RCN3: variants seen among roughly 807,000 people sequenced by gnomAD.
RCN3 encodes the protein reticulocalbin-3.
In RCN3, 41 loss-of-function variants were observed where a neutral mutation model predicts 35.9. The ratio of observed to expected loss-of-function variants is 1.14; its 90% CI spans 0.89 to 1.48. The LOEUF (loss-of-function observed/expected upper bound fraction) is 1.48. Ranked by LOEUF, RCN3 falls within the 40% of genes most tolerant of loss-of-function variation. The pLI, the probability that RCN3 is intolerant of heterozygous loss-of-function variation, is 0.00. For synonymous variants in RCN3, 187 were observed against 193.4 expected, an observed-to-expected ratio of 0.97 and a Z score of 0.27; for missense variants, 451 against 471.3, an observed-to-expected ratio of 0.96 and a Z score of 0.40.
intron 3 of RCN3, among the ~76,000 whole-genome samples, chr19:49,535,334 C>G (rs2080128971): frequency 6.6e-6 from 1 of 152,078 alleles, no homozygotes; most frequent in African/African-American, 2.4e-5. Context: ...CAGCCTTAGT[C>G]TGGGGCCAAA....
chr19:49,535,075 C>T (rs962381584), intron 3 of RCN3, among the ~76,000 whole-genome samples: 1 of 152,112 alleles, frequency 6.6e-6, no homozygotes, highest in Non-Finnish European at 1.5e-5. Flanking sequence ...GTTCTTCATG[C>T]CCAGCACTGA....
chr19:49,537,230 T>A, intron 4 of RCN3, 25 bp downstream of exon 4: 1 of 1,473,332 alleles, frequency 6.8e-7, no homozygotes, highest in Non-Finnish European at 9.1e-7. Context: ...GGGAACCCTG[T>A]CCCCCACACC....
chr19:49,529,881 C>T (rs1212848663), intron 2 of RCN3, among the ~76,000 whole-genome samples: 2 of 151,824 alleles, frequency 1.3e-5, no homozygotes, highest in Admixed American at 1.3e-4. Flanking sequence ...CTCAGCCTCC[C>T]AAGTAGCTGG....
chr19:49,542,832 C>A, intron 6 of RCN3, 80 bp downstream of exon 6: 2 of 1,342,922 alleles, frequency 1.5e-6, no homozygotes, highest in Non-Finnish European at 2.0e-6. Flanking sequence ...AAGACCTGGG[C>A]CTGGAGCTCA....
At chr19:49,534,566 T>C (rs1401560344) in intron 3 of RCN3, among the ~76,000 whole-genome samples, 171 bp downstream of exon 3, 2 of 152,152 alleles carry the variant, frequency 1.3e-5, no homozygotes, top group African/African-American at 4.8e-5. Flanking sequence ...CACCTCTGGC[T>C]TCTCTTTTTT....
In RCN3 at chr19:49,537,745, C is replaced by T. The variant is rs367743584; in HGVS notation, c.618+540C>T. Reference sequence around the variant, plus strand: ...AACTTTTGACCTCAGGTGATCCGCCCGCCTCAGCCTCCCAAAGTGCTAGGA... The same window carrying T: ...AACTTTTGACCTCAGGTGATCCGCCTGCCTCAGCCTCCCAAAGTGCTAGGA... On this transcript the variant is annotated intron_variant, in intron 4 of 6. Transcript: ENST00000270645. 3.3e-5 allele frequency among the ~76,000 whole-genome samples: 5 copies of T among 151,976 alleles called. No homozygotes were observed. In the East Asian group the frequency reaches 5.8e-4, roughly 18 times the overall value.
chr19:49,530,895 G>A lies in RCN3; in HGVS notation c.242+2181G>A, dbSNP rs561401199. Among the ~76,000 whole-genome samples the A allele has an allele frequency of 3.9e-5, 6 of 152,300 alleles. No homozygotes were observed. In the South Asian group the frequency reaches 1.2e-3, roughly 32 times the overall value. Reference sequence around the variant, plus strand: ...GGTATCGGAGTGAATAGCATTCCAGGCAGACAGAACAGTTAAGTGCAAAGG... The same window carrying A: ...GGTATCGGAGTGAATAGCATTCCAGACAGACAGAACAGTTAAGTGCAAAGG... On this transcript the variant is annotated intron_variant, in intron 2 of 6. Coordinates refer to ENST00000270645, the MANE Select transcript of RCN3 (RefSeq NM_020650.3).
intron 2 of RCN3, among the ~76,000 whole-genome samples, chr19:49,533,021 C>T (rs532239888): frequency 2.6e-5 from 4 of 152,304 alleles, no homozygotes; most frequent in Middle Eastern, 3.4e-3. Context: ...TCCCCACAAC[C>T]GCCCTTTTGG....
rs925684213 is a variant in RCN3 at position 49,534,320 on chromosome 19, A to G, written c.370A>G (p.Thr124Ala). 4 of 1,507,978 alleles carry G rather than the reference A, an allele frequency of 2.7e-6. No individual in the cohort carries two copies. Among genetic ancestry groups the G allele is most frequent in the Non-Finnish European group, 3.5e-6 (4 of 1,130,266 alleles). 93.4% of individuals were successfully genotyped at this position (1,507,978 alleles called of 1,614,324 possible). ...IRDSVSAAWD[T>A]YDTDRDGRVG... ...GGACTCGGTGAGCGCGGCCTGGGAC[A>G]CGTACGACACGGACCGCGACGGGCG... Residue 124 changes from threonine to alanine, a missense_variant, in exon 3 of 7, where the codon ACG becomes GCG. Coordinates refer to ENST00000270645, the MANE Select transcript of RCN3 (RefSeq NM_020650.3).
At position 49,537,125 on chromosome 19, in the gene RCN3, G is replaced by A; in HGVS notation, c.538G>A (p.Asp180Asn). The change falls in exon 4 of 7, where the codon GAC becomes AAC. Residue 180 changes from aspartate to asparagine, a missense_variant. By Grantham distance (23) the Asp-to-Asn change is conservative (BLOSUM62 1). Transcript: ENST00000270645. ...RRFRVADQDGDSMATREELTA... is the reference protein window; with the variant it reads ...RRFRVADQDGNSMATREELTA... ...TTTCCGGGTGGCCGACCAGGATGGG[G>A]ACTCGATGGCCACTCGAGAGGAGCT... The A allele has an allele frequency of 6.3e-7, 1 of 1,598,478 alleles. No homozygotes were observed.
At chr19:49,532,470 G>A (rs1296673943) in intron 2 of RCN3, among the ~76,000 whole-genome samples, 2 of 151,434 alleles carry the variant, frequency 1.3e-5, no homozygotes, top group Non-Finnish European at 2.9e-5. Context: ...ACGCCTCCTG[G>A]GTTCAAGCAA....
intron 2 of RCN3, among the ~76,000 whole-genome samples, chr19:49,531,893 C>A (rs1390755227): frequency 1.3e-5 from 2 of 151,810 alleles, no homozygotes; most frequent in African/African-American, 4.8e-5. Context: ...CTCCACCTCC[C>A]GGGTTCATGC....
chr19:49,534,512 C>A, intron 3 of RCN3, 117 bp downstream of exon 3: 1 of 1,049,422 alleles, frequency 9.5e-7, no homozygotes, highest in East Asian at 3.0e-5. Flanking sequence ...TAACCAGGCT[C>A]TACCCACTTT....
At chr19:49,533,761 C>T (rs1285560999) in intron 2 of RCN3, among the ~76,000 whole-genome samples, 14 of 152,004 alleles carry the variant, frequency 9.2e-5, no homozygotes, top group Non-Finnish European at 2.1e-4. Flanking sequence ...GGGGTGTGGC[C>T]GTGGCTGTCT....
Position 49,534,409 on chromosome 19 carries a change from C to T in RCN3, c.445+14C>T, listed in dbSNP as rs1346477462. 1 of 1,537,330 alleles carries T rather than the reference C, an allele frequency of 6.5e-7. No individual in the cohort carries two copies. Among genetic ancestry groups the T allele is most frequent in the Non-Finnish European group, 8.7e-7 (1 of 1,145,162 alleles). ...ACTACGCGCCCGGTACGCGGCGAGC[C>T]CCCGACCCTGCTCCCCATACACCGT... On this transcript the variant is annotated intron_variant, in intron 3 of 6. Coordinates refer to ENST00000270645, the MANE Select transcript of RCN3 (RefSeq NM_020650.3).
intron 2 of RCN3, among the ~76,000 whole-genome samples, chr19:49,529,189 C>T (rs1261644435): frequency 6.6e-6 from 1 of 151,998 alleles, no homozygotes; most frequent in Non-Finnish European, 1.5e-5. Flanking sequence ...TAAAAAACAA[C>T]AACAACAATA....
chr19:49,533,740 G>T (rs1392702078), intron 2 of RCN3, among the ~76,000 whole-genome samples: 1 of 151,928 alleles, frequency 6.6e-6, no homozygotes, highest in African/African-American at 2.4e-5. Context: ...GCCTGAGACA[G>T]CGGGGGATCG....
intron 2 of RCN3, among the ~76,000 whole-genome samples, chr19:49,533,216 G>T (rs2080117402): frequency 6.6e-6 from 1 of 152,234 alleles, no homozygotes; most frequent in African/African-American, 2.4e-5. Context: ...GTGATTCCGG[G>T]GACAGAGTGG....
intron 2 of RCN3, among the ~76,000 whole-genome samples, chr19:49,533,424 C>T (rs2080118344): frequency 1.3e-5 from 2 of 151,998 alleles, no homozygotes; most frequent in African/African-American, 4.8e-5. Context: ...CCTGGCAAGG[C>T]GTCACCAAGG....
Sources: allele counts gnomAD v4.1 joint callset (sites outside exome capture counted in the v4.1 genomes callset), GRCh38; gene constraint gnomAD v4.1.1; transcripts MANE v1.5; gene names NCBI Gene and HGNC (gene_info 2026-07-23, HGNC 2026-07-21).